Variants in PCDH11X observed in about 807,000 individuals in gnomAD.
The protein encoded by PCDH11X is protocadherin-11 X-linked.
In PCDH11X, 18 loss-of-function variants were observed where a neutral mutation model predicts 53.3. The ratio of observed to expected loss-of-function variants is 0.34; its 90% CI spans 0.23 to 0.50. The LOEUF is 0.50. Among genes scored for constraint, PCDH11X ranks in the 20% least tolerant of loss-of-function variants. PCDH11X has a pLI of 0.98. For missense variants in PCDH11X, 570 were observed against 1,032.4 expected (o/e 0.55, Z 6.14); for synonymous variants, 279 against 393.3 (o/e 0.71, Z 3.44).
intron 6 of PCDH11X, among the ~76,000 whole-genome samples, chrX:91,940,065 T>C (rs2061489760): frequency 9.0e-6 from 1 of 110,642 alleles, no homozygotes; most frequent in Non-Finnish European, 1.9e-5. Flanking sequence ...GGGAGTGGAT[T>C]TCTCGTGAGT....
intron 6 of PCDH11X, among the ~76,000 whole-genome samples, chrX:92,008,688 T>A (rs1461156251): frequency 9.1e-6 from 1 of 109,448 alleles, no homozygotes; most frequent in Non-Finnish European, 1.9e-5. Flanking sequence ...GGGGGGCAAC[T>A]ATAGGTAGAG....
intron 10 of PCDH11X, among the ~76,000 whole-genome samples, chrX:92,471,294 T>C (rs144459693): frequency 0.19 from 20,271 of 107,273 alleles, 1,778 homozygotes; most frequent in Non-Finnish European, 0.27. Context: ...CCAGTGTGTG[T>C]TGTTCTCCTC....
chrX:92,351,110 C>T (rs369190264), intron 8 of PCDH11X, among the ~76,000 whole-genome samples: 39 of 111,922 alleles, frequency 3.5e-4, no homozygotes, highest in Non-Finnish European at 3.6e-4. Flanking sequence ...ACTGCGATCA[C>T]GGGTCAATTG....
chrX:92,572,286 G>T (rs897833103), intron 10 of PCDH11X, among the ~76,000 whole-genome samples: 26 of 110,450 alleles, frequency 2.4e-4, no homozygotes, highest in African/African-American at 8.2e-4. Context: ...CACGTCTTAT[G>T]TAATGGATGT....
chrX:92,026,811 G>C (rs1188445561), intron 6 of PCDH11X, among the ~76,000 whole-genome samples: 2 of 81,175 alleles, frequency 2.5e-5, no homozygotes, highest in Non-Finnish European at 4.7e-5. Flanking sequence ...TATTACCTGG[G>C]GGTTCTATTC....
At chrX:92,206,151 G>A (rs764645352) in intron 7 of PCDH11X, among the ~76,000 whole-genome samples, 9 of 111,796 alleles carry the variant, frequency 8.1e-5, no homozygotes, top group Non-Finnish European at 1.7e-4. Flanking sequence ...ACCATAGACT[G>A]ATGGGTTACA....
chrX:92,197,867 C>T lies in PCDH11X; in HGVS notation c.3034-3508C>T, dbSNP rs2066317237. On this transcript the variant is annotated intron_variant, in intron 6 of 10. Coordinates refer to ENST00000682573, the MANE Select transcript of PCDH11X (RefSeq NM_032968.5). ...TGATTACCCAGAAAATGATAGCATA[C>T]TTACATTTCTAGTGGAAAACCTACT... Among the ~76,000 whole-genome samples the T allele has an allele frequency of 6.3e-5, 7 of 111,909 alleles. 2 individuals carry two copies. The South Asian group carries it at 2.6e-3, about 41-fold the overall frequency.
At position 92,431,633 on chromosome X, in the gene PCDH11X, T is replaced by C. The variant is rs747975260; in HGVS notation, c.3344-36666T>C. On this transcript the variant is annotated intron_variant, in intron 9 of 10. Transcript: ENST00000682573. ...TACCTATTAATTCAAACCTCAGTAATCTTAATCAGATTATCTTCACATGAG... is the reference window on the plus strand; with the variant it reads ...TACCTATTAATTCAAACCTCAGTAACCTTAATCAGATTATCTTCACATGAG... Among the ~76,000 whole-genome samples, 29 of 110,086 alleles carry C rather than the reference T, an allele frequency of 2.6e-4. 1 individual carries two copies. The highest frequency in any genetic ancestry group is 2.5e-3 in the Admixed American group (26 of 10,256).
rs181406790 is a variant in PCDH11X at position 92,220,642 on chromosome X, G to A, written c.3114+19187G>A. Among the ~76,000 whole-genome samples the A allele has an allele frequency of 8.0e-3, 884 of 110,691 alleles. 5 individuals are homozygous for A. The highest frequency in any genetic ancestry group is 0.011 in the Non-Finnish European group (567 of 52,909). On this transcript the variant is annotated intron_variant, in intron 7 of 10. Coordinates refer to ENST00000682573, the MANE Select transcript of PCDH11X (RefSeq NM_032968.5). ...CAACCATTGTGGAAGTCAGTGTGGC[G>A]ATTCCTCAGGGATGTAGAACTAGAA...
At chrX:92,201,488 C>T (rs755191189) in intron 7 of PCDH11X, 33 bp downstream of exon 7, 60 of 939,502 alleles carry the variant, frequency 6.4e-5, no homozygotes, top group Non-Finnish European at 8.6e-5. Context: ...TTTCCTCCCC[C>T]TTCCTTTTAA....
intron 7 of PCDH11X, among the ~76,000 whole-genome samples, chrX:92,242,877 T>C (rs1444568284): frequency 9.0e-6 from 1 of 111,568 alleles, no homozygotes; most frequent in Non-Finnish European, 1.9e-5. Context: ...CTGAACATCT[T>C]TTCTTGTGCA....
intron 6 of PCDH11X, among the ~76,000 whole-genome samples, chrX:92,081,898 T>C (rs2063863204): frequency 8.9e-6 from 1 of 111,780 alleles, no homozygotes. Context: ...ATATGTTGTT[T>C]TATAAATACT....
At chrX:92,506,626 C>T (rs1201640316) in intron 10 of PCDH11X, among the ~76,000 whole-genome samples, 1 of 93,202 alleles carries the variant, frequency 1.1e-5, no homozygotes, top group Non-Finnish European at 2.2e-5. Flanking sequence ...CTAATGGATT[C>T]AGTTTGCTAG....
chrX:92,236,446 G>GTCT (rs1400848998), intron 7 of PCDH11X, among the ~76,000 whole-genome samples: 1 of 111,848 alleles, frequency 8.9e-6, no homozygotes, highest in Non-Finnish European at 1.9e-5. Flanking sequence ...AGTAGCACTT[G>GTCT]TCTTAACCTT....
At chrX:92,290,207 A>G (rs1220285793) in intron 8 of PCDH11X, among the ~76,000 whole-genome samples, 1 of 111,764 alleles carries the variant, frequency 8.9e-6, no homozygotes, top group African/African-American at 3.2e-5. Context: ...ATGTATGTAT[A>G]TTAGGGATGA....
intron 7 of PCDH11X, among the ~76,000 whole-genome samples, chrX:92,232,721 A>T (rs1333972818): frequency 6.2e-5 from 7 of 112,059 alleles, no homozygotes; most frequent in Non-Finnish European, 1.3e-4. Context: ...TAATTTTTTT[A>T]AATTATTATT....
intron 1 of PCDH11X, among the ~76,000 whole-genome samples, chrX:91,796,428 G>A (rs1018445167): frequency 9.9e-5 from 11 of 110,745 alleles, no homozygotes; most frequent in African/African-American, 3.6e-4. Flanking sequence ...CTACTATATA[G>A]ATAAATTTTG....
chrX:92,298,595 A>G (rs1181274387), intron 8 of PCDH11X, among the ~76,000 whole-genome samples: 2 of 111,554 alleles, frequency 1.8e-5, no homozygotes, highest in East Asian at 5.6e-4. Flanking sequence ...GTATATTTGC[A>G]TGAAGTTTTC....
At chrX:92,484,139 ATG>A (rs1491057534) in intron 10 of PCDH11X, among the ~76,000 whole-genome samples, 110 of 37,249 alleles carry the variant, frequency 3.0e-3, no homozygotes, top group South Asian at 0.021. Flanking sequence ...GTATATATGT[ATG>A]TATATATATG....
Sources: allele counts gnomAD v4.1 joint callset (sites outside exome capture counted in the v4.1 genomes callset), GRCh38; gene constraint gnomAD v4.1.1; transcripts MANE v1.5; gene names NCBI Gene and HGNC (gene_info 2026-07-23, HGNC 2026-07-21).